TRAM2: variants seen among roughly 807,000 people sequenced by gnomAD.
The protein encoded by TRAM2 is translocation associated membrane protein 2.
TRAM2 carries 12 observed loss-of-function variants against 51.0 expected under a neutral mutation model. The ratio of observed to expected loss-of-function variants is 0.24; its 90% CI spans 0.15 to 0.38. The LOEUF is 0.38. Ranked by LOEUF, TRAM2 falls within the 10% of genes least tolerant of loss-of-function variation. TRAM2 has a pLI of 1.00. For missense variants in TRAM2, 361 were observed against 462.0 expected, an observed-to-expected ratio of 0.78 and a Z score of 2.00; for synonymous variants, 175 against 179.4, an observed-to-expected ratio of 0.98 and a Z score of 0.20.
rs1256852545 is a variant in TRAM2 at position 52,508,345 on chromosome 6, G to C, written c.471-27C>G. 6 of 1,608,432 alleles carry C rather than the reference G, an allele frequency of 3.7e-6. No individual in the cohort carries two copies. In the African/African-American group the frequency reaches 6.7e-5, roughly 18 times the overall value. On this transcript the variant is annotated intron_variant, in intron 5 of 10. Coordinates refer to ENST00000182527, the MANE Select transcript of TRAM2 (RefSeq NM_012288.4). Reference sequence around the variant, plus strand: ...TGGAGACAAGGGGGCAAGTCACACGGGCAGGATAGAGAAAAGTGTCCCTGC... The same window carrying C: ...TGGAGACAAGGGGGCAAGTCACACGCGCAGGATAGAGAAAAGTGTCCCTGC...
intron 1 of TRAM2, among the ~76,000 whole-genome samples, chr6:52,561,487 CTTTTT>C (rs61175622): frequency 7.7e-6 from 1 of 130,284 alleles, no homozygotes; most frequent in Non-Finnish European, 1.7e-5. Context: ...GTTTCTTTTT[CTTTTT>C]TTTTTTTTTT....
chr6:52,506,309 T>C (rs1193656483), intron 7 of TRAM2, among the ~76,000 whole-genome samples, 173 bp from the exon 8 acceptor site: 1 of 152,158 alleles, frequency 6.6e-6, no homozygotes, highest in African/African-American at 2.4e-5. Context: ...CTCACACCTT[T>C]AAGACATTTT....
At chr6:52,517,074 G>T in intron 2 of TRAM2, 1 of 244,648 alleles carries the variant, frequency 4.1e-6, no homozygotes. Flanking sequence ...CTAACTGTGT[G>T]ACTGTGGATA....
chr6:52,569,874 A>C (rs1033991692), intron 1 of TRAM2, among the ~76,000 whole-genome samples: 5 of 152,138 alleles, frequency 3.3e-5, no homozygotes, highest in Non-Finnish European at 2.9e-5. Context: ...ACTTCTACAC[A>C]AATATTGGCA....
At chr6:52,545,548 G>C (rs946599349) in intron 1 of TRAM2, among the ~76,000 whole-genome samples, 6 of 152,120 alleles carry the variant, frequency 3.9e-5, no homozygotes, top group Non-Finnish European at 5.9e-5. Flanking sequence ...GCAGGAGTAG[G>C]GGAGGAATTG....
At position 52,516,636 on chromosome 6, in the gene TRAM2, T is replaced by G. The variant is rs1766554261; in HGVS notation, c.286A>C (p.Ile96Leu). 6.2e-7 allele frequency: 1 copy of G among 1,613,544 alleles called. No homozygotes were observed. Among genetic ancestry groups the G allele is most frequent in the African/African-American group, 1.3e-5 (1 of 75,018 alleles). The change falls in exon 3 of 11, where the codon ATT becomes CTT. Residue 96 changes from isoleucine to leucine, a missense_variant. Transcript: ENST00000182527. The stretch of plus-strand genomic sequence containing the variant: ...CCAGACATGTCACTTACATCTAAAA[T>G]GTACTCCTGAACCACAGCATGCAAG... ...IILHAVVQEYILDKISKRLHL... is the reference protein window; with the variant it reads ...IILHAVVQEYLLDKISKRLHL...
At chr6:52,527,334 T>C (rs1376507431) in intron 2 of TRAM2, among the ~76,000 whole-genome samples, 2 of 149,230 alleles carry the variant, frequency 1.3e-5, no homozygotes, top group African/African-American at 2.5e-5. Flanking sequence ...GAAGAGATTG[T>C]GCCACTGTAC....
chr6:52,516,898 C>G, intron 2 of TRAM2, 161 bp from the exon 3 acceptor site: 1 of 624,030 alleles, frequency 1.6e-6, no homozygotes, highest in South Asian at 1.9e-5. Flanking sequence ...TCCTGCCCAC[C>G]CTCTGGTCTT....
At chr6:52,520,214 G>C (rs1340322430) in intron 2 of TRAM2, among the ~76,000 whole-genome samples, 1 of 152,210 alleles carries the variant, frequency 6.6e-6, no homozygotes, top group Non-Finnish European at 1.5e-5. Flanking sequence ...CTGAAGGCTG[G>C]GGGTGTGGAG....
intron 1 of TRAM2, among the ~76,000 whole-genome samples, chr6:52,568,946 G>A (rs1326880127): frequency 6.6e-6 from 1 of 152,112 alleles, no homozygotes; most frequent in Non-Finnish European, 1.5e-5. Context: ...CCCACCAGAG[G>A]TACAATCATC....
At position 52,504,596 on chromosome 6, in the gene TRAM2, T is replaced by G. The variant is rs1284950460; in HGVS notation, c.1034A>C (p.Glu345Ala). ...CCAAGGGCCCTGGCACTCACCAGATTCCCTCTTGATGAGCCTGGCTGGTAG... is the reference window on the plus strand; with the variant it reads ...CCAAGGGCCCTGGCACTCACCAGATGCCCTCTTGATGAGCCTGGCTGGTAG... ...PRLPARLIKR[E>A]SGYHENGVVK... The change falls in exon 10 of 11, where the codon GAA becomes GCA. Residue 345 changes from glutamate to alanine, a missense_variant. Glu to Ala is a moderately radical substitution (Grantham distance 107). Transcript: ENST00000182527. The G allele has an allele frequency of 6.2e-7, 1 of 1,613,976 alleles. No homozygotes were observed. Among genetic ancestry groups the G allele is most frequent in the African/African-American group, 1.3e-5 (1 of 74,924 alleles).
chr6:52,530,627 C>T (rs1228917535), intron 2 of TRAM2, among the ~76,000 whole-genome samples: 2 of 152,114 alleles, frequency 1.3e-5, no homozygotes, highest in African/African-American at 4.8e-5. Context: ...AGGGAGAAGT[C>T]CGTGTGAAGA....
chr6:52,506,241 C>T, intron 7 of TRAM2, 105 bp from the exon 8 acceptor site: 1 of 970,440 alleles, frequency 1.0e-6, no homozygotes, highest in Non-Finnish European at 1.6e-6. Context: ...CTGGGCTCTG[C>T]TTTCCACTCC....
chr6:52,577,035 T>C lies in TRAM2; in HGVS notation c.-120A>G, dbSNP rs1767783696. On this transcript the variant is annotated 5_prime_UTR_variant, in exon 1 of 11. Transcript: ENST00000182527. ...CCGCCGCCCGCTCTCCCACAGCCGCTCGCCCGCCCAGCGCGGAACAACTTC... is the reference window on the plus strand; with the variant it reads ...CCGCCGCCCGCTCTCCCACAGCCGCCCGCCCGCCCAGCGCGGAACAACTTC... 2.5e-6 allele frequency: 3 copies of C among 1,177,300 alleles called. No individual in the cohort carries two copies. Among genetic ancestry groups the C allele is most frequent in the South Asian group, 2.7e-5 (1 of 37,058 alleles). The allele number at this position is 1,177,300 out of a possible 1,614,324, so 72.9% of individuals were successfully genotyped here. A position where few individuals can be genotyped will look rare whatever the true frequency, so the allele number is the denominator to read the frequency against.
chr6:52,505,873 A>T, intron 8 of TRAM2, 131 bp from the exon 9 acceptor site: 1 of 1,410,888 alleles, frequency 7.1e-7, no homozygotes, highest in African/African-American at 1.4e-5. Context: ...GAGGGACGAG[A>T]TATCTAAAAT....
At chr6:52,574,919 T>A (rs1013855546) in intron 1 of TRAM2, among the ~76,000 whole-genome samples, 3 of 152,168 alleles carry the variant, frequency 2.0e-5, no homozygotes, top group Non-Finnish European at 4.4e-5. Context: ...CCACAGGCTA[T>A]GCGAGAAACT....
At chr6:52,536,064 T>TC (rs1233586562) in intron 1 of TRAM2, among the ~76,000 whole-genome samples, 1 of 152,216 alleles carries the variant, frequency 6.6e-6, no homozygotes, top group Non-Finnish European at 1.5e-5. Context: ...TCTAGACTGG[T>TC]ACTCACTGCA....
intron 2 of TRAM2, among the ~76,000 whole-genome samples, chr6:52,519,071 A>G (rs1766612930): frequency 6.6e-6 from 1 of 152,226 alleles, no homozygotes; most frequent in Non-Finnish European, 1.5e-5. Context: ...GAATGTAGAA[A>G]TAAACACAGA....
At position 52,503,094 on chromosome 6, in the gene TRAM2, A is replaced by G; in HGVS notation, c.*103T>C. 1.0e-6 allele frequency: 1 copy of G among 984,942 alleles called. No individual in the cohort carries two copies. The highest frequency in any genetic ancestry group is 1.6e-6 in the Non-Finnish European group (1 of 616,292). 61.0% of individuals were successfully genotyped at this position (984,942 alleles called of 1,614,324 possible). A position where few individuals can be genotyped will look rare whatever the true frequency, so the allele number is the denominator to read the frequency against. On this transcript the variant is annotated 3_prime_UTR_variant, in exon 11 of 11. Coordinates refer to ENST00000182527, the MANE Select transcript of TRAM2 (RefSeq NM_012288.4). ...GCAAGACAGGTTTCGGCTGTTTGAG[A>G]CGGAGCATCACAGGCAGGAAGGAGG...
Sources: gnomAD v4.1 joint callset for allele counts (sites outside exome capture counted in the v4.1 genomes callset) on GRCh38, gnomAD v4.1.1 for gene constraint, MANE v1.5 for transcripts, NCBI Gene and HGNC (gene_info 2026-07-23, HGNC 2026-07-21) for gene names.